FHIT: variants seen among roughly 807,000 people sequenced by gnomAD.
The protein encoded by FHIT is fragile histidine triad diadenosine triphosphatase.
Under a neutral mutation model 17.9 loss-of-function variants are expected in FHIT, and 19 were observed. The observed-to-expected ratio is 1.06, with a 90% CI of 0.74 to 1.56. The LOEUF is 1.56. Among genes scored for constraint, FHIT ranks in the 40% most tolerant of loss-of-function variants. The pLI is 0.00. For synonymous variants in FHIT, 81 were observed against 69.7 expected (o/e 1.16, Z -0.81); for missense variants, 248 against 189.2 (o/e 1.31, Z -1.82).
intron 4 of FHIT, among the ~76,000 whole-genome samples, chr3:60,702,628 C>T (rs1452961487): frequency 6.6e-6 from 1 of 151,906 alleles, no homozygotes; most frequent in Non-Finnish European, 1.5e-5. Context: ...TTCTTAGTAA[C>T]TGTGTAACAG....
chr3:60,566,203 C>T (rs549132805), intron 4 of FHIT, among the ~76,000 whole-genome samples: 24 of 152,142 alleles, frequency 1.6e-4, no homozygotes, highest in Non-Finnish European at 2.1e-4. Context: ...GGAATCAGTG[C>T]GGTGCGGTGC....
chr3:60,317,318 G>A lies in FHIT; in HGVS notation c.103+219542C>T, dbSNP rs191202270. On this transcript the variant is annotated intron_variant, in intron 5 of 9. Coordinates refer to ENST00000492590, the MANE Select transcript of FHIT (RefSeq NM_002012.4). ...TTTTCCTGATGATTCTATTCATCCT[G>A]GACTGACAATTGTTATCTTTGTAAT... 4.5e-4 allele frequency among the ~76,000 whole-genome samples: 68 copies of A among 151,458 alleles called. No individual in the cohort carries two copies. The East Asian group carries it at 0.013, about 29-fold the overall frequency.
At chr3:59,894,408 T>C (rs2107032942) in intron 8 of FHIT, among the ~76,000 whole-genome samples, 1 of 152,326 alleles carries the variant, frequency 6.6e-6, no homozygotes, top group Non-Finnish European at 1.5e-5. Flanking sequence ...TTACACTTCA[T>C]AAACATTAGC....
intron 4 of FHIT, among the ~76,000 whole-genome samples, chr3:60,697,918 G>A (rs958500709): frequency 4.6e-5 from 7 of 152,072 alleles, no homozygotes; most frequent in African/African-American, 1.2e-4. Context: ...ATGATGTGTC[G>A]TTTTTATGTG....
intron 4 of FHIT, among the ~76,000 whole-genome samples, chr3:60,572,302 A>G (rs991614097): frequency 6.6e-6 from 1 of 151,868 alleles, no homozygotes; most frequent in Non-Finnish European, 1.5e-5. Context: ...TTCCTTCTAA[A>G]TATTTGAATG....
intron 1 of FHIT, among the ~76,000 whole-genome samples, chr3:61,205,399 T>C (rs2106712118): frequency 6.6e-6 from 1 of 152,330 alleles, no homozygotes; most frequent in East Asian, 1.9e-4. Context: ...ATCGCCACAC[T>C]GACTTCCACA....
chr3:60,562,534 A>G (rs972182258), intron 4 of FHIT, among the ~76,000 whole-genome samples: 2 of 152,168 alleles, frequency 1.3e-5, no homozygotes, highest in Admixed American at 6.6e-5. Context: ...TTTTAAGAGG[A>G]GTCTGACACT....
At chr3:60,489,754 T>A (rs1320835292) in intron 5 of FHIT, among the ~76,000 whole-genome samples, 1 of 152,196 alleles carries the variant, frequency 6.6e-6, no homozygotes, top group Non-Finnish European at 1.5e-5. Flanking sequence ...TTCATTAGGC[T>A]CACCCTAATG....
intron 5 of FHIT, among the ~76,000 whole-genome samples, chr3:60,199,565 T>C (rs1328216149): frequency 6.6e-6 from 1 of 152,042 alleles, no homozygotes; most frequent in Non-Finnish European, 1.5e-5. Flanking sequence ...AGAGGGGTAA[T>C]AGCGAGAGAA....
intron 5 of FHIT, among the ~76,000 whole-genome samples, chr3:60,194,500 G>GA (rs1229410666): frequency 1.3e-5 from 2 of 151,962 alleles, no homozygotes; most frequent in African/African-American, 2.4e-5. Flanking sequence ...GAAAACCTAG[G>GA]AAAAACTCTT....
chr3:60,066,781 C>G (rs541878616), intron 5 of FHIT, among the ~76,000 whole-genome samples: 1 of 151,492 alleles, frequency 6.6e-6, no homozygotes, highest in South Asian at 2.1e-4. Context: ...CTCAGCCTCC[C>G]GAGTAGCTGG....
At chr3:61,009,800 T>G (rs908481964) in intron 3 of FHIT, among the ~76,000 whole-genome samples, 5 of 152,212 alleles carry the variant, frequency 3.3e-5, no homozygotes, top group African/African-American at 1.2e-4. Flanking sequence ...AATTACAACA[T>G]GAAGGTAACC....
At chr3:61,152,571 CT>C (rs779055666) in intron 2 of FHIT, among the ~76,000 whole-genome samples, 1 of 151,992 alleles carries the variant, frequency 6.6e-6, no homozygotes, top group African/African-American at 2.4e-5. Flanking sequence ...AGTTGGGGTG[CT>C]CTGACCTATT....
intron 5 of FHIT, among the ~76,000 whole-genome samples, chr3:60,269,654 C>T (rs889918605): frequency 2.0e-5 from 3 of 152,182 alleles, no homozygotes; most frequent in Admixed American, 6.5e-5. Context: ...CCAGCATTTG[C>T]TAAGCATTTA....
chr3:59,950,807 G>A (rs78287556), intron 7 of FHIT, among the ~76,000 whole-genome samples: 138 of 152,256 alleles, frequency 9.1e-4, no homozygotes, highest in Non-Finnish European at 1.8e-3. Flanking sequence ...TGAATCCAAC[G>A]TTGAGAGCCA....
intron 3 of FHIT, among the ~76,000 whole-genome samples, chr3:60,854,163 C>A (rs1287660379): frequency 6.6e-6 from 1 of 152,096 alleles, no homozygotes; most frequent in Non-Finnish European, 1.5e-5. Flanking sequence ...CATATGGTAA[C>A]ACTGATAGAG....
At chr3:59,986,056 C>T (rs185781325) in intron 7 of FHIT, among the ~76,000 whole-genome samples, 111 of 152,124 alleles carry the variant, frequency 7.3e-4, no homozygotes, top group African/African-American at 2.6e-3. Context: ...GCGGTCTGCA[C>T]ATGTCAAGGA....
intron 2 of FHIT, among the ~76,000 whole-genome samples, chr3:61,194,135 G>A (rs1440951344): frequency 1.3e-5 from 2 of 152,166 alleles, no homozygotes; most frequent in Non-Finnish European, 2.9e-5. Flanking sequence ...CCAGTATGGA[G>A]CAGGGCCTCT....
intron 3 of FHIT, among the ~76,000 whole-genome samples, chr3:60,963,377 C>T (rs1481132390): frequency 2.0e-5 from 3 of 152,286 alleles, no homozygotes; most frequent in Admixed American, 1.3e-4. Context: ...TTTCAAAAAA[C>T]CAGCTCCTGG....
Sources: gnomAD v4.1 joint callset for allele counts (sites outside exome capture counted in the v4.1 genomes callset) on GRCh38, gnomAD v4.1.1 for gene constraint, MANE v1.5 for transcripts, NCBI Gene and HGNC (gene_info 2026-07-23, HGNC 2026-07-21) for gene names.